The following KCNG2 variants were observed in gnomAD, a reference collection of about 807,000 sequenced individuals.
KCNG2 encodes potassium voltage-gated channel modifier subfamily G member 2, also known as voltage-gated potassium channel regulatory subunit KCNG2.
In KCNG2, 7 loss-of-function variants were observed where a neutral mutation model predicts 12.3. The ratio of observed to expected loss-of-function variants is 0.57; its 90% CI spans 0.32 to 1.07. The LOEUF is 1.07. Among genes scored for constraint, KCNG2 ranks in the 50% least tolerant of loss-of-function variants. The pLI is 0.04. For missense variants in KCNG2, 703 were observed against 726.0 expected (o/e 0.97, Z 0.36); for synonymous variants, 414 against 351.4 (o/e 1.18, Z -1.99).
intron 3 of KCNG2, among the ~76,000 whole-genome samples, chr18:79,880,433 G>A (rs1456960580): frequency 6.6e-6 from 1 of 151,674 alleles, no homozygotes; most frequent in African/African-American, 2.4e-5. Flanking sequence ...ATAATCCTAT[G>A]GTAATTAAAA....
At chr18:79,851,296 G>A (rs1357070654) in intron 1 of KCNG2, among the ~76,000 whole-genome samples, 2 of 152,186 alleles carry the variant, frequency 1.3e-5, no homozygotes, top group African/African-American at 2.4e-5. Context: ...GAATGCTTCT[G>A]TTCTCAAGAT....
intron 1 of KCNG2, among the ~76,000 whole-genome samples, chr18:79,825,596 G>A (rs2123011914): frequency 6.6e-6 from 1 of 152,262 alleles, no homozygotes; most frequent in South Asian, 2.1e-4. Flanking sequence ...AGTCCCTGTC[G>A]GTGAACATCA....
At position 79,872,288 on chromosome 18, in the gene KCNG2, T is replaced by TTTTTTG. The variant is rs1196716528; in HGVS notation, c.624+8002_624+8003insGTTTTT. ...AAAGCTTCAAAGCTTCAGTTTTTTT[T>TTTTTTG]TTTTTTTTTTTTTTTGAGATGGAGT... On this transcript the variant is annotated intron_variant, in intron 3 of 3. Transcript: ENST00000316249. Among the ~76,000 whole-genome samples the TTTTTTG allele has an allele frequency of 4.7e-3, 332 of 70,302 alleles. 16 individuals carry two copies. The highest frequency in any genetic ancestry group is 0.01 in the Non-Finnish European group (281 of 27,784). 46.1% of individuals were successfully genotyped at this position (70,302 alleles called of 152,430 possible).
At chr18:79,893,420 G>C (rs1334402110) in intron 3 of KCNG2, among the ~76,000 whole-genome samples, 3 of 150,866 alleles carry the variant, frequency 2.0e-5, no homozygotes, top group African/African-American at 4.9e-5. Context: ...ATATAGTTGG[G>C]TCTGTGTCTG....
intron 1 of KCNG2, among the ~76,000 whole-genome samples, chr18:79,833,925 G>C (rs1006491382): frequency 6.6e-6 from 1 of 152,252 alleles, no homozygotes; most frequent in African/African-American, 2.4e-5. Context: ...GAGGGTCAGA[G>C]TTGTGCACAT....
At chr18:79,836,799 G>A (rs938544533) in intron 1 of KCNG2, among the ~76,000 whole-genome samples, 8 of 152,104 alleles carry the variant, frequency 5.3e-5, no homozygotes, top group Non-Finnish European at 7.4e-5. Flanking sequence ...AACCAACCCC[G>A]TAATCCAATC....
chr18:79,819,170 C>T (rs991282086), intron 1 of KCNG2, among the ~76,000 whole-genome samples: 1 of 152,226 alleles, frequency 6.6e-6, no homozygotes, highest in Non-Finnish European at 1.5e-5. Flanking sequence ...TCTCACTGCT[C>T]ACCAAGGCCG....
chr18:79,853,586 AGAG>A (rs1978900810), intron 1 of KCNG2, among the ~76,000 whole-genome samples: 3 of 152,204 alleles, frequency 2.0e-5, no homozygotes, highest in Admixed American at 1.3e-4. Context: ...ACAGAGGGCA[AGAG>A]GAGGAGGCGG....
At chr18:79,881,867 G>T (rs1420294436) in intron 3 of KCNG2, among the ~76,000 whole-genome samples, 1 of 152,344 alleles carries the variant, frequency 6.6e-6, no homozygotes, top group South Asian at 2.1e-4. Context: ...GGAAAGGACA[G>T]GCGTGGGGTC....
intron 1 of KCNG2, among the ~76,000 whole-genome samples, chr18:79,847,679 G>GA (rs1978670992): frequency 6.6e-6 from 1 of 152,176 alleles, no homozygotes; most frequent in South Asian, 2.1e-4. Flanking sequence ...GATTACATTT[G>GA]AAAAATCCTG....
chr18:79,868,354 TAAG>T (rs1431694580), intron 3 of KCNG2, among the ~76,000 whole-genome samples: 1 of 151,648 alleles, frequency 6.6e-6, no homozygotes, highest in Non-Finnish European at 1.5e-5. Context: ...AGCGTCCGGT[TAAG>T]AAGCAGTCGC....
chr18:79,864,963 G>GA (rs1979405766), intron 3 of KCNG2, among the ~76,000 whole-genome samples: 2 of 101,986 alleles, frequency 2.0e-5, no homozygotes, highest in African/African-American at 5.9e-5. Context: ...TTCTGTGTGC[G>GA]GAAGTCTGGG....
Position 79,899,278 on chromosome 18 carries a change from GGCT to G in KCNG2, c.869_871del (p.Leu290del). The G allele has an allele frequency of 6.3e-7, 1 of 1,577,876 alleles. No homozygotes were observed. ...CTGGAGCGCGCGGGGCTGGTGCTGC[GGCT>G]GCTGCGTGCGCTGCGCGTGCTCTAC... On this transcript the variant is annotated inframe_deletion, in exon 4 of 4. Transcript: ENST00000316249.
At chr18:79,873,368 C>G (rs1979929316) in intron 3 of KCNG2, among the ~76,000 whole-genome samples, 1 of 151,600 alleles carries the variant, frequency 6.6e-6, no homozygotes, top group Non-Finnish European at 1.5e-5. Context: ...CCCCCACACT[C>G]CCGTTCCCTC....
At chr18:79,879,684 C>T (rs554817706) in intron 3 of KCNG2, among the ~76,000 whole-genome samples, 4 of 152,184 alleles carry the variant, frequency 2.6e-5, no homozygotes, top group South Asian at 2.1e-4. Context: ...TCCAGAAAGG[C>T]GAGAATGAGA....
At chr18:79,816,358 C>T (rs2087527552) in intron 1 of KCNG2, 1 of 152,378 alleles carries the variant, frequency 6.6e-6, no homozygotes, top group South Asian at 2.1e-4. Context: ...CACGTCTGTT[C>T]TCAGCGGAGC....
intron 3 of KCNG2, among the ~76,000 whole-genome samples, chr18:79,881,127 G>A (rs2090722871): frequency 6.6e-6 from 1 of 152,234 alleles, no homozygotes; most frequent in Non-Finnish European, 1.5e-5. Flanking sequence ...GAAAGTAGAC[G>A]TCGTACTATT....
chr18:79,854,054 C>T (rs1327717350), intron 1 of KCNG2, among the ~76,000 whole-genome samples: 4 of 152,260 alleles, frequency 2.6e-5, no homozygotes, highest in African/African-American at 7.2e-5. Flanking sequence ...GTTCCAACCC[C>T]GTTCTGCAGG....
At chr18:79,841,567 C>T (rs561147823) in intron 1 of KCNG2, among the ~76,000 whole-genome samples, 2 of 152,200 alleles carry the variant, frequency 1.3e-5, no homozygotes, top group Admixed American at 6.5e-5. Flanking sequence ...AGCAAAATAA[C>T]AATCCAAATA....
Sources: allele counts gnomAD v4.1 joint callset (sites outside exome capture counted in the v4.1 genomes callset), GRCh38; gene constraint gnomAD v4.1.1; transcripts MANE v1.5; gene names NCBI Gene and HGNC (gene_info 2026-07-23, HGNC 2026-07-21).